TXNL4A: variants seen among roughly 807,000 people sequenced by gnomAD.
The protein encoded by TXNL4A is thioredoxin like 4A.
Under a neutral mutation model 14.6 loss-of-function variants are expected in TXNL4A, and 17 were observed. That is an observed-to-expected ratio of 1.16 (90% CI 0.80 to 1.74). The LOEUF (loss-of-function observed/expected upper bound fraction) is 1.74, where lower values mean the gene tolerates loss of function less well. TXNL4A is among the 40% of genes most tolerant of loss of function. TXNL4A has a pLI of 0.00. For synonymous variants in TXNL4A, 83 were observed against 70.6 expected, an observed-to-expected ratio of 1.18 and a Z score of -0.88; for missense variants, 74 against 195.2, an observed-to-expected ratio of 0.38 and a Z score of 3.70.
At chr18:79,978,675 G>C (rs528626272) in intron 1 of TXNL4A, among the ~76,000 whole-genome samples, 1 of 152,118 alleles carries the variant, frequency 6.6e-6, no homozygotes, top group African/African-American at 2.4e-5. Context: ...TGTATTTTTT[G>C]TAGAGACAGG....
upstream of TXNL4A, among the ~76,000 whole-genome samples, chr18:79,992,022 G>A (rs532253415): frequency 4.6e-5 from 7 of 152,326 alleles, no homozygotes; most frequent in East Asian, 1.9e-4. Flanking sequence ...GACTCAAAGC[G>A]GGAAGGGGGC....
chr18:79,996,117 A>C (rs949490382), intron 1 of TXNL4A, among the ~76,000 whole-genome samples: 8 of 150,786 alleles, frequency 5.3e-5, no homozygotes, highest in Non-Finnish European at 8.9e-5. Context: ...AAAAAAAAAA[A>C]AAAAAAAAAA....
At chr18:80,031,704 T>A (rs577206040) in intron 1 of TXNL4A, among the ~76,000 whole-genome samples, 85 of 152,362 alleles carry the variant, frequency 5.6e-4, no homozygotes, top group African/African-American at 2.0e-3. Flanking sequence ...TGCAAAATCA[T>A]ATGGCTTTAG....
At chr18:80,005,938 G>A (rs2051727415) in intron 1 of TXNL4A, among the ~76,000 whole-genome samples, 1 of 151,830 alleles carries the variant, frequency 6.6e-6, no homozygotes, top group Non-Finnish European at 1.5e-5. Context: ...AAAAGAATAA[G>A]AAAAAATATC....
intron 1 of TXNL4A, among the ~76,000 whole-genome samples, chr18:80,006,917 G>A (rs780286150): frequency 2.4e-4 from 36 of 152,176 alleles, no homozygotes; most frequent in Non-Finnish European, 4.7e-4. Context: ...TATGCAAATG[G>A]AGTCTCTACG....
At chr18:80,021,168 C>T (rs953401964) in intron 1 of TXNL4A, among the ~76,000 whole-genome samples, 1 of 145,832 alleles carries the variant, frequency 6.9e-6, no homozygotes, top group Non-Finnish European at 1.5e-5. Context: ...ACTAGTTAGC[C>T]TGGTTGGAGG....
At chr18:80,018,267 C>A (rs1489633133) in intron 1 of TXNL4A, among the ~76,000 whole-genome samples, 1 of 152,146 alleles carries the variant, frequency 6.6e-6, no homozygotes, top group African/African-American at 2.4e-5. Context: ...GGCAGAAATA[C>A]ACATGTTCTT....
intron 1 of TXNL4A, among the ~76,000 whole-genome samples, chr18:79,983,991 C>T (rs1245463870): frequency 6.6e-6 from 1 of 152,042 alleles, no homozygotes; most frequent in African/African-American, 2.4e-5. Flanking sequence ...GCACCCTCAA[C>T]CGCCACTCAA....
At chr18:79,989,119 T>G (rs1334577880), upstream of TXNL4A, among the ~76,000 whole-genome samples, 5 of 152,034 alleles carry the variant, frequency 3.3e-5, no homozygotes, top group Non-Finnish European at 1.5e-5. Flanking sequence ...TGAAACCAGG[T>G]TTTTTAATTT....
chr18:79,979,825 T>C (rs181227301), intron 1 of TXNL4A, among the ~76,000 whole-genome samples: 32 of 152,334 alleles, frequency 2.1e-4, no homozygotes, highest in African/African-American at 7.5e-4. Context: ...TAAAGACAAA[T>C]TCCTAAAATT....
intron 1 of TXNL4A, among the ~76,000 whole-genome samples, chr18:80,028,464 T>C (rs2004573): frequency 0.32 from 47,822 of 151,576 alleles, 8,155 homozygotes; most frequent in South Asian, 0.48. Context: ...TGTCAGGCCC[T>C]TCTGACAAGA....
chr18:80,000,740 C>G (rs775876134), intron 1 of TXNL4A, among the ~76,000 whole-genome samples: 1 of 152,040 alleles, frequency 6.6e-6, no homozygotes, highest in Non-Finnish European at 1.5e-5. Context: ...CCACACCCTC[C>G]CTTCCTGGGT....
chr18:80,025,009 T>C (rs1043376248), intron 1 of TXNL4A, among the ~76,000 whole-genome samples: 8 of 152,338 alleles, frequency 5.3e-5, no homozygotes, highest in African/African-American at 1.7e-4. Flanking sequence ...AAAGTACTTA[T>C]GGCAAATCAC....
Position 80,027,191 on chromosome 18 carries a change from C to T in TXNL4A, c.-61+6660G>A, listed in dbSNP as rs184142192. Among the ~76,000 whole-genome samples, 24 of 152,166 alleles carry T rather than the reference C, an allele frequency of 1.6e-4. No homozygotes were observed. The East Asian group carries it at 3.1e-3, about 20-fold the overall frequency. ...TAAGAAACCCCTACTCAACCTTAAA[C>T]AGTTTTGTCTCCGATATTGTAGAGG... On this transcript the variant is annotated intron_variant, in intron 1 of 2. Coordinates refer to the TXNL4A transcript ENST00000585474.
At chr18:80,008,640 C>G (rs116710571) in intron 1 of TXNL4A, among the ~76,000 whole-genome samples, 2 of 152,122 alleles carry the variant, frequency 1.3e-5, no homozygotes, top group Non-Finnish European at 2.9e-5. Flanking sequence ...TGCTTCCCCC[C>G]GTTCTCCTCC....
chr18:79,988,675 G>A (rs1400893817), upstream of TXNL4A: 1 of 260,920 alleles, frequency 3.8e-6, no homozygotes, highest in Non-Finnish European at 7.2e-6. Context: ...TTGGCCGGGT[G>A]GAGCGGCGGC....
chr18:79,994,869 C>T (rs1415377677), intron 1 of TXNL4A: 9 of 152,240 alleles, frequency 5.9e-5, no homozygotes, highest in African/African-American at 2.2e-4. Context: ...TCCAATCTAC[C>T]CTATTCTCCT....
intron 1 of TXNL4A, among the ~76,000 whole-genome samples, chr18:80,025,530 A>G (rs139164301): frequency 1.8e-3 from 276 of 152,336 alleles, no homozygotes; most frequent in South Asian, 6.4e-3. Flanking sequence ...AGAAAAGGGG[A>G]ATCCTATGGA....
At position 79,972,209 on chromosome 18, in the gene TXNL4A, G is replaced by A. The variant is rs2051309805; in HGVS notation, c.*1476C>T. The stretch of plus-strand genomic sequence containing the variant: ...CTTCTGCGTCCACATCTGTGTGCAG[G>A]GCAGACACTATTATCCGCCTTTACC... On this transcript the variant is annotated 3_prime_UTR_variant, in exon 3 of 3. Coordinates refer to ENST00000269601, the MANE Select transcript of TXNL4A (RefSeq NM_006701.5). 6.6e-6 allele frequency: 1 copy of A among 152,210 alleles called. No homozygotes were observed. Among genetic ancestry groups the A allele is most frequent in the South Asian group, 2.1e-4 (1 of 4,830 alleles). 9.4% of individuals were successfully genotyped at this position (152,210 alleles called of 1,614,324 possible).
Sources: gnomAD v4.1 joint callset for allele counts (sites outside exome capture counted in the v4.1 genomes callset) on GRCh38, gnomAD v4.1.1 for gene constraint, MANE v1.5 for transcripts, NCBI Gene and HGNC (gene_info 2026-07-23, HGNC 2026-07-21) for gene names.